Variants in ADAMTS19 observed in about 807,000 individuals in gnomAD.
ADAMTS19 encodes the protein A disintegrin and metalloproteinase with thrombospondin motifs 19.
Under a neutral mutation model 153.3 loss-of-function variants are expected in ADAMTS19, and 93 were observed. That is an observed-to-expected ratio of 0.61 (90% CI 0.51 to 0.72). ADAMTS19 has a LOEUF of 0.72. Among genes scored for constraint, ADAMTS19 ranks in the 30% least tolerant of loss-of-function variants. ADAMTS19 has a pLI of 0.00. For synonymous variants in ADAMTS19, 600 were observed against 556.6 expected (o/e 1.08, Z -1.10); for missense variants, 1,482 against 1,552.1 (o/e 0.95, Z 0.76).
chr5:129,495,327 G>T (rs1750893927), intron 2 of ADAMTS19, among the ~76,000 whole-genome samples: 1 of 151,770 alleles, frequency 6.6e-6, no homozygotes, highest in South Asian at 2.1e-4. Flanking sequence ...CCCTAATTTA[G>T]AATCAAAGGA....
chr5:129,548,699 T>C (rs1429412196), intron 6 of ADAMTS19, among the ~76,000 whole-genome samples: 1 of 151,922 alleles, frequency 6.6e-6, no homozygotes, highest in Non-Finnish European at 1.5e-5. Context: ...AGATTATAAA[T>C]CATGCTGCTA....
intron 2 of ADAMTS19, among the ~76,000 whole-genome samples, chr5:129,499,298 A>G (rs1751025481): frequency 6.6e-6 from 1 of 152,080 alleles, no homozygotes; most frequent in Non-Finnish European, 1.5e-5. Context: ...AAATGAGATA[A>G]CTATCAGAAC....
At chr5:129,612,563 G>T (rs146981220) in intron 8 of ADAMTS19, among the ~76,000 whole-genome samples, 9,204 of 152,094 alleles carry the variant, frequency 0.061, 411 homozygotes, top group Non-Finnish European at 0.087. Flanking sequence ...AGGAACAGCT[G>T]GTACCAGCCA....
chr5:129,547,307 T>A (rs1752896305), intron 6 of ADAMTS19, among the ~76,000 whole-genome samples: 1 of 150,754 alleles, frequency 6.6e-6, no homozygotes, highest in Non-Finnish European at 1.5e-5. Flanking sequence ...CATATTCTCA[T>A]CTAGAGCTTT....
At chr5:129,614,908 C>A (rs971916461) in intron 8 of ADAMTS19, among the ~76,000 whole-genome samples, 1 of 151,968 alleles carries the variant, frequency 6.6e-6, no homozygotes, top group South Asian at 2.1e-4. Flanking sequence ...AAACAGAGAG[C>A]CAAATCATGA....
intron 10 of ADAMTS19, among the ~76,000 whole-genome samples, chr5:129,635,899 T>A (rs1366563761): frequency 6.6e-6 from 1 of 152,096 alleles, no homozygotes; most frequent in Non-Finnish European, 1.5e-5. Flanking sequence ...TCAATTTATT[T>A]ATTTATTTAT....
At chr5:129,518,294 T>C (rs960667983) in intron 3 of ADAMTS19, among the ~76,000 whole-genome samples, 1 of 152,142 alleles carries the variant, frequency 6.6e-6, no homozygotes, top group Non-Finnish European at 1.5e-5. Flanking sequence ...ACCAGTGAGT[T>C]TTGTACCTTC....
Position 129,614,692 on chromosome 5 carries a change from C to T in ADAMTS19, c.1479-5926C>T, listed in dbSNP as rs187674844. Among the ~76,000 whole-genome samples the T allele has an allele frequency of 5.1e-4, 77 of 152,116 alleles. No homozygotes were observed. In the East Asian group the frequency reaches 0.012, roughly 24 times the overall value. ...TGTTGGAAGTTCTGGCCAGGGCAAT[C>T]AGGCAGGAGAAAGAAATAAAGGGTA... On this transcript the variant is annotated intron_variant, in intron 8 of 22. Coordinates refer to ENST00000274487, the MANE Select transcript of ADAMTS19 (RefSeq NM_133638.6).
chr5:129,605,706 A>G (rs1241359257), intron 8 of ADAMTS19, among the ~76,000 whole-genome samples: 1 of 152,184 alleles, frequency 6.6e-6, no homozygotes, highest in African/African-American at 2.4e-5. Flanking sequence ...GCCATTTATA[A>G]CTTATGCTTG....
chr5:129,486,839 C>CA (rs1243214294), intron 2 of ADAMTS19, among the ~76,000 whole-genome samples: 1 of 152,070 alleles, frequency 6.6e-6, no homozygotes, highest in African/African-American at 2.4e-5. Context: ...TATTTGCAGA[C>CA]AACATGATCA....
chr5:129,688,002 C>T (rs1313965813), intron 18 of ADAMTS19: 1 of 152,108 alleles, frequency 6.6e-6, no homozygotes, highest in South Asian at 2.1e-4. Flanking sequence ...TGTGTTTAGT[C>T]AACAGTTTTC....
rs116290307 is a variant in ADAMTS19 at position 129,476,473 on chromosome 5, C to T, written c.747+14716C>T. ...AGGGTTCAAATCAAGCAAACAAATACGGACAAATGAACAAAACCCAAACTA... is the reference window on the plus strand; with the variant it reads ...AGGGTTCAAATCAAGCAAACAAATATGGACAAATGAACAAAACCCAAACTA... On this transcript the variant is annotated intron_variant, in intron 2 of 22. Coordinates refer to ENST00000274487, the MANE Select transcript of ADAMTS19 (RefSeq NM_133638.6). 3.5e-3 allele frequency among the ~76,000 whole-genome samples: 532 copies of T among 152,078 alleles called. 6 individuals are homozygous for T. The highest frequency in any genetic ancestry group is 9.7e-3 in the African/African-American group (402 of 41,536).
intron 6 of ADAMTS19, among the ~76,000 whole-genome samples, chr5:129,538,230 C>G (rs997258224): frequency 1.3e-5 from 2 of 151,934 alleles, no homozygotes; most frequent in African/African-American, 4.8e-5. Flanking sequence ...TAAAAATTAG[C>G]TTATAGTCCC....
chr5:129,688,634 A>G lies in ADAMTS19; in HGVS notation c.2818+4361A>G, dbSNP rs1481814222. Among the ~76,000 whole-genome samples the G allele has an allele frequency of 1.3e-5, 2 of 152,214 alleles. 1 individual carries two copies. The highest frequency in any genetic ancestry group is 2.9e-5 in the Non-Finnish European group (2 of 68,016). On this transcript the variant is annotated intron_variant, in intron 18 of 22. Coordinates refer to ENST00000274487, the MANE Select transcript of ADAMTS19 (RefSeq NM_133638.6). ...AATATTGCCTTAAAATCTCTGATGA[A>G]GGCTGATCATCTCAGGTAAATTTTT...
chr5:129,694,785 G>T lies in ADAMTS19; in HGVS notation c.2884G>T (p.Glu962Ter), dbSNP rs78418400. 1.9e-6 allele frequency: 3 copies of T among 1,610,546 alleles called. No homozygotes were observed. The highest frequency in any genetic ancestry group is 2.5e-6 in the Non-Finnish European group (3 of 1,178,244). The change falls in exon 19 of 23, where the codon GAG becomes TAG. Residue 962 changes from glutamate (E) to a stop codon, truncating the protein, a stop_gained. Coordinates refer to ENST00000274487, the MANE Select transcript of ADAMTS19 (RefSeq NM_133638.6). LOFTEE classifies it high-confidence loss of function. Reference sequence around the variant, plus strand: ...CAAAAATATCAGCATTGTGGACAATGAGAAATGCAAATACTTAACCAAGCC... The same window carrying T: ...CAAAAATATCAGCATTGTGGACAATTAGAAATGCAAATACTTAACCAAGCC... ...MSKNISIVDN[E>*]KCKYLTKPEP...
chr5:129,636,498 C>T (rs1752541097), intron 10 of ADAMTS19, among the ~76,000 whole-genome samples: 1 of 152,158 alleles, frequency 6.6e-6, no homozygotes, highest in Non-Finnish European at 1.5e-5. Flanking sequence ...CTTTCTTTAA[C>T]ACTTCCTGAT....
chr5:129,614,416 C>G (rs1322459352), intron 8 of ADAMTS19, among the ~76,000 whole-genome samples: 1 of 152,106 alleles, frequency 6.6e-6, no homozygotes, highest in African/African-American at 2.4e-5. Flanking sequence ...AGCATATAAA[C>G]AGAACCAAAG....
rs36179892 is a variant in ADAMTS19 at position 129,537,476 on chromosome 5, C to T, written c.1328+8799C>T. Among the ~76,000 whole-genome samples, 743 of 152,116 alleles carry T rather than the reference C, an allele frequency of 4.9e-3. 4 individuals carry two copies. Among genetic ancestry groups the T allele is most frequent in the Non-Finnish European group, 6.8e-3 (462 of 67,964 alleles). ...ATGCTGCTATAAAGACACATGCACA[C>T]GTATGTTTATTGCGGCACTATTCAC... On this transcript the variant is annotated intron_variant, in intron 6 of 22. Coordinates refer to ENST00000274487, the MANE Select transcript of ADAMTS19 (RefSeq NM_133638.6).
At chr5:129,605,846 C>G (rs1247594155) in intron 8 of ADAMTS19, among the ~76,000 whole-genome samples, 1 of 152,102 alleles carries the variant, frequency 6.6e-6, no homozygotes, top group Non-Finnish European at 1.5e-5. Context: ...ATTAGACTGT[C>G]TACTTCCTAG....
Sources: allele counts gnomAD v4.1 joint callset (sites outside exome capture counted in the v4.1 genomes callset), GRCh38; gene constraint gnomAD v4.1.1; transcripts MANE v1.5; gene names NCBI Gene and HGNC (gene_info 2026-07-23, HGNC 2026-07-21).